Variants in C14orf39 observed in about 807,000 individuals in gnomAD.
The protein encoded by C14orf39 is chromosome 14 open reading frame 39.
C14orf39 carries 66 observed loss-of-function variants against 85.6 expected under a neutral mutation model. The observed-to-expected ratio is 0.77, with a 90% CI of 0.63 to 0.95. The LOEUF (loss-of-function observed/expected upper bound fraction) is 0.95, where lower values mean the gene tolerates loss of function less well. Among genes scored for constraint, C14orf39 ranks in the 40% least tolerant of loss-of-function variants. The pLI is 0.00. For synonymous variants in C14orf39, 242 were observed against 214.0 expected (o/e 1.13, Z -1.14); for missense variants, 735 against 663.9 (o/e 1.11, Z -1.18).
chr14:60,444,748 T>A (rs1378654821), intron 16 of C14orf39, among the ~76,000 whole-genome samples: 1 of 151,900 alleles, frequency 6.6e-6, no homozygotes, highest in Non-Finnish European at 1.5e-5. Context: ...CACATAATTG[T>A]CAGATTCACC....
intron 16 of C14orf39, among the ~76,000 whole-genome samples, chr14:60,443,369 C>T (rs1440287375): frequency 2.0e-5 from 3 of 152,156 alleles, no homozygotes; most frequent in African/African-American, 4.8e-5. Context: ...CAGGAGATTC[C>T]CTCCCGTGCC....
At chr14:60,466,460 C>T (rs960920099) in intron 10 of C14orf39, among the ~76,000 whole-genome samples, 1 of 148,044 alleles carries the variant, frequency 6.8e-6, no homozygotes, top group Non-Finnish European at 1.5e-5. Flanking sequence ...TTTAATTAAA[C>T]GCAATGGCAA....
intron 17 of C14orf39, among the ~76,000 whole-genome samples, chr14:60,437,496 G>C (rs1039137889): frequency 9.9e-5 from 15 of 151,938 alleles, no homozygotes; most frequent in South Asian, 4.2e-4. Context: ...ATGGAATCTG[G>C]ACTTTATTTA....
chr14:60,469,780 T>C, intron 7 of C14orf39, 127 bp from the exon 8 acceptor site: 1 of 430,504 alleles, frequency 2.3e-6, no homozygotes, highest in South Asian at 1.0e-4. Context: ...GTAAGCAATA[T>C]TAAAAACAGT....
Position 60,437,048 on chromosome 14 carries a change from C to T in C14orf39, c.1562-1G>A. On this transcript the variant is annotated splice_acceptor_variant, in intron 17 of 17. Coordinates refer to ENST00000321731, the MANE Select transcript of C14orf39 (RefSeq NM_174978.3). LOFTEE classifies it high-confidence loss of function. ...CCTTCTGGCTTCTCAAGTAAGTTTCCTAAGGAAGATAAACATTACAATATC... is the reference window on the plus strand; with the variant it reads ...CCTTCTGGCTTCTCAAGTAAGTTTCTTAAGGAAGATAAACATTACAATATC... 1.3e-6 allele frequency: 2 copies of T among 1,590,024 alleles called. No homozygotes were observed. The highest frequency in any genetic ancestry group is 1.7e-6 in the Non-Finnish European group (2 of 1,168,874).
intron 14 of C14orf39, 117 bp from the exon 15 acceptor site, chr14:60,457,212 C>T (rs1891320150): frequency 2.0e-6 from 1 of 502,766 alleles, no homozygotes; most frequent in African/African-American, 2.0e-5. Context: ...ATTGCACAGA[C>T]AAAATAACTG....
At chr14:60,514,390 T>C (rs941695140) in intron 1 of C14orf39, among the ~76,000 whole-genome samples, 2 of 152,196 alleles carry the variant, frequency 1.3e-5, no homozygotes, top group Non-Finnish European at 2.9e-5. Context: ...ATTTTTATAT[T>C]AAATATTTCA....
At position 60,515,395 on chromosome 14, in the gene C14orf39, C is replaced by G. The variant is rs990118108; in HGVS notation, c.-144G>C. On this transcript the variant is annotated splice_region_variant and 5_prime_UTR_variant, in exon 1 of 6. Coordinates refer to the C14orf39 transcript ENST00000556799. This position sits in a 1 kb window ranked among gnomAD's most constrained non-coding sequence, Gnocchi z 6.2. ...AGAGCCCCCCTTTTCGCGCACCCAC[C>G]TTTTCCATCCAGCGCCCCGCGAACT... 2.0e-5 allele frequency: 3 copies of G among 152,288 alleles called. No individual in the cohort carries two copies. The highest frequency in any genetic ancestry group is 7.2e-5 in the African/African-American group (3 of 41,442). The allele number at this position is 152,288 out of a possible 1,614,324, so 9.4% of individuals were successfully genotyped here.
chr14:60,446,524 G>A (rs568011651), intron 16 of C14orf39, among the ~76,000 whole-genome samples: 9 of 151,894 alleles, frequency 5.9e-5, no homozygotes, highest in Admixed American at 1.3e-4. Context: ...CTGAATAGAC[G>A]AATGACAGAT....
At chr14:60,475,913 T>C (rs1484517513) in intron 5 of C14orf39, among the ~76,000 whole-genome samples, 1 of 152,152 alleles carries the variant, frequency 6.6e-6, no homozygotes, top group East Asian at 1.9e-4. Context: ...GTATACTCTA[T>C]GGGGGAGTTT....
At chr14:60,451,057 A>G (rs1476142535) in intron 16 of C14orf39, among the ~76,000 whole-genome samples, 1 of 152,146 alleles carries the variant, frequency 6.6e-6, no homozygotes, top group Non-Finnish European at 1.5e-5. Context: ...CTAGACACCA[A>G]CAACAACTAC....
chr14:60,488,320 A>G (rs1892936225), upstream of C14orf39, among the ~76,000 whole-genome samples: 3 of 152,286 alleles, frequency 2.0e-5, no homozygotes, highest in South Asian at 6.2e-4. Context: ...CACCACTACC[A>G]TCTATCTTAT....
rs565523062 is a variant in C14orf39, at chr14:60,466,135, G to T, written c.896-80C>A. On this transcript the variant is annotated intron_variant, in intron 10 of 17. Transcript: ENST00000321731. The stretch of plus-strand genomic sequence containing the variant: ...CTTCCCCAATGTTTAACCTAAACTT[G>T]TAATTTAGAAAATCAAGTCTACATG... The T allele has an allele frequency of 2.3e-5, 13 of 555,830 alleles. 1 individual carries two copies. The South Asian group carries it at 5.6e-4, about 24-fold the overall frequency. 34.4% of individuals were successfully genotyped at this position (555,830 alleles called of 1,614,324 possible). A position where few individuals can be genotyped will look rare whatever the true frequency, so the allele number is the denominator to read the frequency against.
At chr14:60,493,170 A>G (rs1429908678) in intron 2 of C14orf39, among the ~76,000 whole-genome samples, 8 of 152,220 alleles carry the variant, frequency 5.3e-5, no homozygotes, top group African/African-American at 1.7e-4. Context: ...GCAGCAACAC[A>G]CACATTGACT....
intron 4 of C14orf39, among the ~76,000 whole-genome samples, chr14:60,479,497 A>G (rs1318659805): frequency 6.6e-6 from 1 of 152,210 alleles, no homozygotes; most frequent in Non-Finnish European, 1.5e-5. Flanking sequence ...ATTACACAAT[A>G]TAACTATCTC....
At chr14:60,466,728 G>A (rs1891805906) in intron 10 of C14orf39, among the ~76,000 whole-genome samples, 189 bp downstream of exon 10, 1 of 151,746 alleles carries the variant, frequency 6.6e-6, no homozygotes, top group African/African-American at 2.4e-5. Flanking sequence ...TTCTCAAAGA[G>A]AAAAAAGTTA....
chr14:60,488,145 T>C (rs1399847045), upstream of C14orf39, among the ~76,000 whole-genome samples: 2 of 152,190 alleles, frequency 1.3e-5, no homozygotes, highest in African/African-American at 4.8e-5. Flanking sequence ...ATTTAGTAGG[T>C]AAAAAGTTAG....
chr14:60,440,393 T>C (rs1890451861), intron 17 of C14orf39, among the ~76,000 whole-genome samples: 1 of 152,202 alleles, frequency 6.6e-6, no homozygotes, highest in Non-Finnish European at 1.5e-5. Flanking sequence ...GTCAAAACCA[T>C]GGCACAATCT....
intron 16 of C14orf39, among the ~76,000 whole-genome samples, chr14:60,442,890 T>C (rs1436196972): frequency 1.3e-5 from 2 of 152,222 alleles, no homozygotes; most frequent in African/African-American, 2.4e-5. Context: ...ACTTTGCTCA[T>C]TTTTCTATTG....
Sources: gnomAD v4.1 joint callset for allele counts (sites outside exome capture counted in the v4.1 genomes callset) on GRCh38, gnomAD v4.1.1 for gene constraint, Gnocchi (gnomAD v3.1) non-coding constraint, MANE v1.5 for transcripts, NCBI Gene and HGNC (gene_info 2026-07-23, HGNC 2026-07-21) for gene names.